CSDE1: variants seen among roughly 807,000 people sequenced by gnomAD.
CSDE1 encodes cold shock domain containing E1.
A neutral mutation model predicts 89.3 loss-of-function variants in CSDE1; 17 were observed. The observed-to-expected ratio is 0.19, with a 90% CI of 0.13 to 0.29. The LOEUF (loss-of-function observed/expected upper bound fraction) is 0.29. Among genes scored for constraint, CSDE1 ranks in the 10% least tolerant of loss-of-function variants. CSDE1 has a pLI of 1.00. For synonymous variants in CSDE1, 322 were observed against 332.8 expected, an observed-to-expected ratio of 0.97 and a Z score of 0.35; for missense variants, 672 against 984.2, an observed-to-expected ratio of 0.68 and a Z score of 4.24.
chr1:114,720,156 A>G (rs954142613), intron 17 of CSDE1: 11 of 212,770 alleles, frequency 5.2e-5, no homozygotes, highest in South Asian at 3.2e-4. Context: ...CTCAGGAGTA[A>G]GACTAAGTTT....
rs769227415 is a variant in CSDE1 at position 114,723,844 on chromosome 1, A to G, written c.1873+39T>C. On this transcript the variant is annotated intron_variant, in intron 16 of 19. Coordinates refer to ENST00000358528, the MANE Select transcript of CSDE1 (RefSeq NM_001007553.3). The stretch of plus-strand genomic sequence containing the variant: ...ACTTTATAGGTGCTCATCTGAAGTT[A>G]TGGCAAATTTCAAACAGCCTGATAG... 6.8e-6 allele frequency: 11 copies of G among 1,612,824 alleles called. No homozygotes were observed. The South Asian group carries it at 1.2e-4, about 18-fold the overall frequency.
chr1:114,753,747 T>C (rs1661435434), intron 1 of CSDE1, among the ~76,000 whole-genome samples: 1 of 152,018 alleles, frequency 6.6e-6, no homozygotes, highest in African/African-American at 2.4e-5. Flanking sequence ...CTACAAAAAA[T>C]TTTAGAAATA....
chr1:114,734,806 G>A lies in CSDE1; in HGVS notation c.501-283C>T, dbSNP rs540459147. The stretch of plus-strand genomic sequence containing the variant: ...CTTTTTTACAAACTTACACATGGGT[G>A]CGTGATGTTCTACTCTGTTTTTCTA... On this transcript the variant is annotated intron_variant, in intron 6 of 19. Coordinates refer to ENST00000358528, the MANE Select transcript of CSDE1 (RefSeq NM_001007553.3). Among the ~76,000 whole-genome samples the A allele has an allele frequency of 8.5e-5, 13 of 152,298 alleles. No individual in the cohort carries two copies. The South Asian group carries it at 2.5e-3, about 29-fold the overall frequency.
intron 2 of CSDE1, chr1:114,741,584 T>C: frequency 6.4e-7 from 1 of 1,550,670 alleles, no homozygotes; most frequent in Non-Finnish European, 8.7e-7. Context: ...AGGTAGAAGA[T>C]GAAGATAAGG....
At chr1:114,722,106 T>C (rs972168253) in intron 16 of CSDE1, among the ~76,000 whole-genome samples, 2 of 152,148 alleles carry the variant, frequency 1.3e-5, no homozygotes, top group African/African-American at 4.8e-5. Flanking sequence ...GGTCTCGAAC[T>C]CCTGACCTTC....
intron 18 of CSDE1, among the ~76,000 whole-genome samples, 197 bp downstream of exon 18, chr1:114,719,382 T>C (rs959031610): frequency 6.6e-6 from 1 of 152,168 alleles, no homozygotes; most frequent in African/African-American, 2.4e-5. Flanking sequence ...AATGACTTAA[T>C]GGAAGAAGAA....
intron 2 of CSDE1, among the ~76,000 whole-genome samples, chr1:114,740,650 G>A (rs1409525334): frequency 6.6e-6 from 1 of 152,104 alleles, no homozygotes; most frequent in Non-Finnish European, 1.5e-5. Context: ...TAGTGAAATA[G>A]GAGCTATTTA....
rs1008819670 is a variant in CSDE1, at chr1:114,723,856, A to T, written c.1873+27T>A. On this transcript the variant is annotated intron_variant, in intron 16 of 19. Transcript: ENST00000358528. ...CTCATCTGAAGTTATGGCAAATTTC[A>T]AACAGCCTGATAGTGATGATCCTTA... The T allele has an allele frequency of 2.5e-6, 4 of 1,613,308 alleles. No individual in the cohort carries two copies. The Admixed American group carries it at 5.0e-5, about 20-fold the overall frequency.
chr1:114,736,608 T>C, intron 6 of CSDE1, 150 bp downstream of exon 6: 1 of 572,876 alleles, frequency 1.7e-6, no homozygotes, highest in East Asian at 2.8e-5. Flanking sequence ...AATACAATAT[T>C]CATAGACCTC....
intron 10 of CSDE1, among the ~76,000 whole-genome samples, chr1:114,731,377 G>T (rs1660088264): frequency 6.9e-6 from 1 of 145,832 alleles, no homozygotes; most frequent in African/African-American, 2.6e-5. Flanking sequence ...AACAGATCTT[G>T]CCTTTGAAAA....
At chr1:114,732,850 T>A in intron 9 of CSDE1, 34 bp from the exon 10 acceptor site, 1 of 1,524,388 alleles carries the variant, frequency 6.6e-7, no homozygotes, top group South Asian at 1.1e-5. Context: ...TAGCTGGAGA[T>A]TTCTCATCCT....
At chr1:114,720,409 GA>G in intron 17 of CSDE1, 129 bp downstream of exon 17, 6 of 876,124 alleles carry the variant, frequency 6.8e-6, no homozygotes, top group South Asian at 2.2e-5. Context: ...TCAAATGACT[GA>G]AAAAAGGTGA....
At chr1:114,755,196 C>A (rs146470965) in intron 1 of CSDE1, among the ~76,000 whole-genome samples, 58 of 152,352 alleles carry the variant, frequency 3.8e-4, no homozygotes, top group African/African-American at 1.4e-3. Flanking sequence ...ACAACAGCCA[C>A]ACGTGGCTGG....
At chr1:114,745,148 T>G (rs1422133140) in intron 2 of CSDE1, among the ~76,000 whole-genome samples, 1 of 152,206 alleles carries the variant, frequency 6.6e-6, no homozygotes, top group Admixed American at 6.5e-5. Flanking sequence ...GGTAGTAAAT[T>G]GGTACAACCT....
intron 12 of CSDE1, among the ~76,000 whole-genome samples, chr1:114,729,602 CTG>C (rs563345448): frequency 4.7e-4 from 72 of 151,828 alleles, no homozygotes; most frequent in Admixed American, 5.2e-4. Flanking sequence ...TACTTTTACT[CTG>C]TGAAGAATGC....
chr1:114,754,252 C>CA (rs1661469816), intron 1 of CSDE1, among the ~76,000 whole-genome samples: 2 of 152,308 alleles, frequency 1.3e-5, no homozygotes, highest in South Asian at 4.1e-4. Flanking sequence ...CTCAGCCCCC[C>CA]AAAGTGCTGG....
At chr1:114,730,463 A>C in intron 11 of CSDE1, 41 bp from the exon 12 acceptor site, 2 of 1,610,714 alleles carry the variant, frequency 1.2e-6, no homozygotes, top group Non-Finnish European at 8.5e-7. Context: ...ATTGAAAAAG[A>C]AAGCATCAAG....
At chr1:114,753,819 G>C (rs1391430876) in intron 1 of CSDE1, among the ~76,000 whole-genome samples, 3 of 152,148 alleles carry the variant, frequency 2.0e-5, no homozygotes, top group Non-Finnish European at 2.9e-5. Flanking sequence ...GGGAAGCTGA[G>C]GCAGGAGGAT....
At chr1:114,733,210 CT>C (rs557541345) in intron 9 of CSDE1, among the ~76,000 whole-genome samples, 8 of 152,032 alleles carry the variant, frequency 5.3e-5, no homozygotes, top group Non-Finnish European at 1.0e-4. Context: ...CTTCTTTGGC[CT>C]TTTTTCATCA....
Sources: gnomAD v4.1 joint callset for allele counts (sites outside exome capture counted in the v4.1 genomes callset) on GRCh38, gnomAD v4.1.1 for gene constraint, MANE v1.5 for transcripts, NCBI Gene and HGNC (gene_info 2026-07-23, HGNC 2026-07-21) for gene names.